DIAPH2: variants seen among roughly 807,000 people sequenced by gnomAD.
DIAPH2 encodes protein diaphanous homolog 2.
In DIAPH2, 35 loss-of-function variants were observed where a neutral mutation model predicts 92.7. That is an observed-to-expected ratio of 0.38 (90% CI 0.29 to 0.50). DIAPH2 has a LOEUF of 0.50. Among genes scored for constraint, DIAPH2 ranks in the 20% least tolerant of loss-of-function variants. The pLI is 0.94. For missense variants in DIAPH2, 701 were observed against 819.5 expected (o/e 0.86, Z 1.77); for synonymous variants, 301 against 280.4 (o/e 1.07, Z -0.73).
At chrX:97,072,821 C>A in intron 17 of DIAPH2, 120 bp from the exon 18 acceptor site, 1 of 420,180 alleles carries the variant, frequency 2.4e-6, no homozygotes, top group Non-Finnish European at 4.0e-6. Context: ...CTAATGAAAT[C>A]AACACATTTA....
chrX:96,727,049 A>G (rs756946330), intron 1 of DIAPH2, among the ~76,000 whole-genome samples: 1 of 112,192 alleles, frequency 8.9e-6, no homozygotes, highest in Non-Finnish European at 1.9e-5. Flanking sequence ...TCATTTGGCC[A>G]CAAGCCCCAA....
At chrX:96,857,736 G>A (rs2065048989) in intron 4 of DIAPH2, among the ~76,000 whole-genome samples, 1 of 112,511 alleles carries the variant, frequency 8.9e-6, no homozygotes, top group Admixed American at 9.4e-5. Flanking sequence ...GGATTGTGAT[G>A]CTTTCAGCGA....
intron 23 of DIAPH2, among the ~76,000 whole-genome samples, chrX:97,275,441 C>G (rs771265795): frequency 5.6e-5 from 6 of 106,344 alleles, no homozygotes; most frequent in Admixed American, 9.9e-5. Context: ...ACCTCCCAGA[C>G]GGGGCGGCTG....
chrX:96,694,426 C>T (rs1055759866), intron 1 of DIAPH2, among the ~76,000 whole-genome samples: 2 of 110,025 alleles, frequency 1.8e-5, no homozygotes, highest in African/African-American at 3.3e-5. Flanking sequence ...CTGCAACCTC[C>T]GCCTCCCGGG....
intron 24 of DIAPH2, among the ~76,000 whole-genome samples, chrX:97,353,925 C>T (rs1246154412): frequency 9.0e-6 from 1 of 110,679 alleles, no homozygotes; most frequent in East Asian, 2.8e-4. Context: ...AGTGATCCTC[C>T]CACCTCAGCC....
At chrX:97,139,320 A>T (rs894493703) in intron 21 of DIAPH2, among the ~76,000 whole-genome samples, 1 of 107,671 alleles carries the variant, frequency 9.3e-6, no homozygotes, top group Non-Finnish European at 1.9e-5. Flanking sequence ...TTATATTTTA[A>T]TATTATATAT....
intron 24 of DIAPH2, among the ~76,000 whole-genome samples, chrX:97,365,136 T>C (rs1198237043): frequency 9.0e-6 from 1 of 111,265 alleles, no homozygotes. Context: ...CAAGAGACTC[T>C]ATCTGTTTTT....
Position 96,903,420 on chromosome X carries a change from T to C in DIAPH2, c.588-8908T>C, listed in dbSNP as rs1476540451. ...ATTGGACATCCTGTGGTGTGCATGA[T>C]AGAATTTTAACTATATTACTTATCT... is the stretch of plus-strand genomic sequence containing the variant. On this transcript the variant is annotated intron_variant, in intron 5 of 26. Coordinates refer to ENST00000324765, the MANE Select transcript of DIAPH2 (RefSeq NM_006729.5). Among the ~76,000 whole-genome samples the C allele has an allele frequency of 2.7e-5, 3 of 111,993 alleles. No individual in the cohort carries two copies. In the Admixed American group the frequency reaches 2.8e-4, roughly 11 times the overall value.
intron 23 of DIAPH2, among the ~76,000 whole-genome samples, chrX:97,334,158 C>T (rs1157738592): frequency 9.1e-6 from 1 of 110,248 alleles, no homozygotes; most frequent in African/African-American, 3.3e-5. Flanking sequence ...GTTCCAGTTC[C>T]TTAACAGTTC....
At chrX:96,857,889 T>A (rs1280092328) in intron 4 of DIAPH2, among the ~76,000 whole-genome samples, 1 of 112,620 alleles carries the variant, frequency 8.9e-6, no homozygotes, top group Non-Finnish European at 1.9e-5. Flanking sequence ...TTACAACTTG[T>A]TGTATAATGT....
chrX:96,956,306 G>C (rs2065810095), intron 15 of DIAPH2, among the ~76,000 whole-genome samples: 1 of 109,772 alleles, frequency 9.1e-6, no homozygotes, highest in Non-Finnish European at 1.9e-5. Context: ...GCACACAGCG[G>C]GAGGGCCCTG....
chrX:96,824,242 G>A (rs1295781031), intron 4 of DIAPH2, among the ~76,000 whole-genome samples: 1 of 110,832 alleles, frequency 9.0e-6, no homozygotes, highest in Admixed American at 9.6e-5. Context: ...TAAAAATAAC[G>A]CCTTGTAAGG....
intron 22 of DIAPH2, among the ~76,000 whole-genome samples, chrX:97,240,605 C>CAAAAAAAAAAAAAAAAA (rs774748522): frequency 1.2e-4 from 8 of 67,948 alleles, no homozygotes; most frequent in African/African-American, 4.6e-4. Context: ...GACTGCATCT[C>CAAAAAAAAAAAAAAAAA]AAAAAAAAAA....
chrX:97,063,175 G>A (rs2066611729), intron 17 of DIAPH2, among the ~76,000 whole-genome samples: 1 of 111,627 alleles, frequency 9.0e-6, no homozygotes, highest in South Asian at 3.7e-4. Flanking sequence ...ACTGCTGAAA[G>A]ATAAAATTGA....
At chrX:96,997,093 A>G (rs564746387) in intron 17 of DIAPH2, among the ~76,000 whole-genome samples, 177 of 111,606 alleles carry the variant, frequency 1.6e-3, no homozygotes, top group South Asian at 8.3e-3. Context: ...TATAAACACA[A>G]TTGTTTTAAA....
chrX:97,571,239 A>G (rs767339180), intron 26 of DIAPH2, among the ~76,000 whole-genome samples: 2 of 111,748 alleles, frequency 1.8e-5, no homozygotes, highest in Non-Finnish European at 1.9e-5. Flanking sequence ...GTTTTCTCAT[A>G]ATATATTCAA....
intron 4 of DIAPH2, among the ~76,000 whole-genome samples, chrX:96,816,820 A>G (rs760534809): frequency 2.0e-4 from 23 of 112,718 alleles, no homozygotes; most frequent in Admixed American, 5.6e-4. Flanking sequence ...TTTGGAAGCA[A>G]CATAAGTGTT....
intron 1 of DIAPH2, among the ~76,000 whole-genome samples, chrX:96,691,340 T>C (rs1005486705): frequency 4.5e-5 from 5 of 111,897 alleles, no homozygotes; most frequent in Non-Finnish European, 1.9e-5. Context: ...AATATAGTTA[T>C]TAGCTTGATA....
intron 1 of DIAPH2, among the ~76,000 whole-genome samples, chrX:96,727,914 C>T (rs2147557685): frequency 9.3e-6 from 1 of 108,103 alleles, no homozygotes; most frequent in East Asian, 3.0e-4. Context: ...GGCATGATGG[C>T]GGGCACCTGT....
Sources: gnomAD v4.1 joint callset for allele counts (sites outside exome capture counted in the v4.1 genomes callset) on GRCh38, gnomAD v4.1.1 for gene constraint, MANE v1.5 for transcripts, NCBI Gene and HGNC (gene_info 2026-07-23, HGNC 2026-07-21) for gene names.